The following DOK5 variants were observed in gnomAD, a reference collection of about 807,000 sequenced individuals.
DOK5 encodes docking protein 5.
In DOK5, 27 loss-of-function variants were observed where a neutral mutation model predicts 43.3. That is an observed-to-expected ratio of 0.62 (90% CI 0.46 to 0.86). DOK5 has a LOEUF of 0.86. DOK5 is among the 40% of genes least tolerant of loss of function. DOK5 has a pLI of 0.00. For missense variants in DOK5, 373 were observed against 392.9 expected, an observed-to-expected ratio of 0.95 and a Z score of 0.43; for synonymous variants, 146 against 140.1, an observed-to-expected ratio of 1.04 and a Z score of -0.30.
At chr20:54,615,860 C>G (rs1986791210) in intron 6 of DOK5, among the ~76,000 whole-genome samples, 1 of 151,348 alleles carries the variant, frequency 6.6e-6, no homozygotes, top group African/African-American at 2.4e-5. Context: ...AAGATTGCGC[C>G]ACTGCACTCC....
At chr20:54,630,687 TTTCTC>T (rs772422447) in intron 6 of DOK5, among the ~76,000 whole-genome samples, 1 of 152,234 alleles carries the variant, frequency 6.6e-6, no homozygotes, top group South Asian at 2.1e-4. Context: ...AGATTTACCT[TTTCTC>T]TTCTTATTGG....
At chr20:54,643,695 G>A (rs1179455224) in intron 7 of DOK5, 117 bp downstream of exon 7, 3 of 1,367,174 alleles carry the variant, frequency 2.2e-6, no homozygotes, top group Non-Finnish European at 1.9e-6. Flanking sequence ...TCCTCCAAAG[G>A]TAGGACCCCC....
intron 6 of DOK5, among the ~76,000 whole-genome samples, chr20:54,619,023 TTATATATATATATA>T (rs11468808): frequency 2.2e-3 from 97 of 43,404 alleles, no homozygotes; most frequent in East Asian, 0.015. Context: ...TTTCAATAAA[TTATATATATATATA>T]TATATATATA....
intron 6 of DOK5, among the ~76,000 whole-genome samples, chr20:54,625,627 C>T (rs990953826): frequency 5.9e-5 from 9 of 152,298 alleles, no homozygotes; most frequent in African/African-American, 1.9e-4. Flanking sequence ...AACTTTACCA[C>T]CCTTAGTACT....
intron 6 of DOK5, among the ~76,000 whole-genome samples, chr20:54,641,686 G>C (rs998719465): frequency 6.6e-6 from 1 of 151,864 alleles, no homozygotes; most frequent in African/African-American, 2.4e-5. Context: ...GTATAATTTC[G>C]ACAATTTTCA....
intron 1 of DOK5, among the ~76,000 whole-genome samples, chr20:54,506,954 T>C (rs1048240241): frequency 1.1e-4 from 17 of 152,324 alleles, no homozygotes; most frequent in Admixed American, 8.5e-4. Context: ...AAGTTAGCCA[T>C]TTACAGTTTA....
intron 1 of DOK5, among the ~76,000 whole-genome samples, chr20:54,499,330 T>C (rs968558658): frequency 6.6e-6 from 1 of 152,236 alleles, no homozygotes; most frequent in Non-Finnish European, 1.5e-5. Flanking sequence ...CTCCAAGAAT[T>C]TGGAAGTTGT....
At chr20:54,645,071 G>A (rs1488746867) in intron 7 of DOK5, among the ~76,000 whole-genome samples, 1 of 136,248 alleles carries the variant, frequency 7.3e-6, no homozygotes, top group Non-Finnish European at 1.5e-5. Flanking sequence ...GCAGTGGCGC[G>A]ATCTCGGCTC....
At chr20:54,550,848 G>C (rs566699310) in intron 1 of DOK5, among the ~76,000 whole-genome samples, 1 of 152,190 alleles carries the variant, frequency 6.6e-6, no homozygotes, top group African/African-American at 2.4e-5. Flanking sequence ...TTTGAATAAA[G>C]CTATAAATAT....
intron 2 of DOK5, among the ~76,000 whole-genome samples, chr20:54,563,130 G>A (rs569185651): frequency 7.2e-5 from 11 of 152,254 alleles, no homozygotes; most frequent in Non-Finnish European, 1.5e-4. Flanking sequence ...TAGATGCATG[G>A]AACAGACTCT....
Position 54,476,004 on chromosome 20 carries a change from C to G in DOK5, c.58C>G (p.Arg20Gly). Residue 20 changes from arginine (R) to glycine (G), a missense_variant, in exon 1 of 8, where the codon CGC becomes GGC. Arg to Gly is a moderately radical substitution (Grantham distance 125). Transcript: ENST00000262593. Reference protein sequence around the residue: ...KQGYVRIRSRRLGIYQRCWLV... With the variant: ...KQGYVRIRSRGLGIYQRCWLV... ...AGGGTACGTGAGGATCCGGAGCAGA[C>G]GCCTCGGGGTGAGTATCGATCCTCT... The G allele has an allele frequency of 1.2e-6, 2 of 1,613,374 alleles. No individual in the cohort carries two copies. Among genetic ancestry groups the G allele is most frequent in the Non-Finnish European group, 1.7e-6 (2 of 1,179,926 alleles).
At chr20:54,645,276 C>G (rs1266153681) in intron 7 of DOK5, among the ~76,000 whole-genome samples, 1 of 145,734 alleles carries the variant, frequency 6.9e-6, no homozygotes, top group Non-Finnish European at 1.5e-5. Flanking sequence ...TCCTCCATGC[C>G]CGCTCTGAAC....
chr20:54,515,246 C>T (rs1002004140), intron 1 of DOK5, among the ~76,000 whole-genome samples: 10 of 152,304 alleles, frequency 6.6e-5, no homozygotes, highest in African/African-American at 1.9e-4. Context: ...TTCCTGACCT[C>T]AGGCCATCCA....
At chr20:54,609,855 G>A (rs1003225043) in intron 5 of DOK5, among the ~76,000 whole-genome samples, 1 of 152,154 alleles carries the variant, frequency 6.6e-6, no homozygotes, top group Admixed American at 6.6e-5. Context: ...AACTGCATTT[G>A]ATCCATCACA....
At chr20:54,647,560 A>G (rs1333431119) in intron 7 of DOK5, among the ~76,000 whole-genome samples, 1 of 152,098 alleles carries the variant, frequency 6.6e-6, no homozygotes, top group African/African-American at 2.4e-5. Flanking sequence ...GAAGCAATCA[A>G]CAAGTTTATG....
chr20:54,626,499 T>C (rs188453429), intron 6 of DOK5, among the ~76,000 whole-genome samples: 2 of 152,370 alleles, frequency 1.3e-5, no homozygotes, highest in Non-Finnish European at 2.9e-5. Context: ...TGCAAAATTA[T>C]GGTCATATAG....
intron 2 of DOK5, among the ~76,000 whole-genome samples, chr20:54,585,179 T>A (rs747091939): frequency 3.3e-5 from 5 of 152,122 alleles, no homozygotes; most frequent in Non-Finnish European, 7.4e-5. Context: ...TGTGTGTGTG[T>A]GCACATGCCC....
At chr20:54,644,722 A>ACAAAAAAAAACC (rs750143945) in intron 7 of DOK5, among the ~76,000 whole-genome samples, 3 of 146,568 alleles carry the variant, frequency 2.0e-5, no homozygotes, top group African/African-American at 7.6e-5. Context: ...AAAAAAAAAA[A>ACAAAAAAAAACC]AACAAAATTT....
chr20:54,636,058 G>A (rs931286664), intron 6 of DOK5, among the ~76,000 whole-genome samples: 9 of 148,630 alleles, frequency 6.1e-5, no homozygotes, highest in East Asian at 1.9e-4. Flanking sequence ...AGAGAGGGCC[G>A]GAAGAGAGAC....
Sources: gnomAD v4.1 joint callset for allele counts (sites outside exome capture counted in the v4.1 genomes callset) on GRCh38, gnomAD v4.1.1 for gene constraint, MANE v1.5 for transcripts, NCBI Gene and HGNC (gene_info 2026-07-23, HGNC 2026-07-21) for gene names.